The following GTF2A2 variants were observed in gnomAD, a reference collection of about 807,000 sequenced individuals.
GTF2A2 encodes the protein general transcription factor IIA subunit 2.
Under a neutral mutation model 14.3 loss-of-function variants are expected in GTF2A2, and 9 were observed. That is an observed-to-expected ratio of 0.63 (90% CI 0.38 to 1.10). The LOEUF is 1.10. Ranked by LOEUF, GTF2A2 falls within the 50% of genes least tolerant of loss-of-function variation. The pLI is 0.01. For missense variants in GTF2A2, 90 were observed against 124.6 expected (o/e 0.72, Z 1.32); for synonymous variants, 56 against 46.0 (o/e 1.22, Z -0.88).
At chr15:59,650,571 T>C (rs1384983358) in intron 3 of GTF2A2, 98 bp downstream of exon 3, 3 of 650,300 alleles carry the variant, frequency 4.6e-6, no homozygotes, top group Non-Finnish European at 8.1e-6. Flanking sequence ...AAGCCACCTC[T>C]TCCTCTTATG....
At chr15:59,655,994 C>T (rs771694899) in intron 1 of GTF2A2, among the ~76,000 whole-genome samples, 1 of 152,256 alleles carries the variant, frequency 6.6e-6, no homozygotes, top group South Asian at 2.1e-4. Flanking sequence ...AAATGATTTC[C>T]CTGCTTCTAC....
At chr15:59,644,537 G>A (rs1472078356) in intron 3 of GTF2A2, among the ~76,000 whole-genome samples, 1 of 152,200 alleles carries the variant, frequency 6.6e-6, no homozygotes, top group Non-Finnish European at 1.5e-5. Flanking sequence ...CCTGCCACTG[G>A]TGAGCTGAGT....
At chr15:59,648,512 A>G (rs924436654) in intron 3 of GTF2A2, among the ~76,000 whole-genome samples, 1 of 151,754 alleles carries the variant, frequency 6.6e-6, no homozygotes, top group Non-Finnish European at 1.5e-5. Flanking sequence ...TCCATGGTAC[A>G]TATGAGTTTT....
rs180871861 is a variant in GTF2A2 at position 59,654,394 on chromosome 15, C to T, written c.-49-2068G>A. Among the ~76,000 whole-genome samples, 361 of 152,306 alleles carry T rather than the reference C, an allele frequency of 2.4e-3. 9 individuals are homozygous for T. The highest frequency in any genetic ancestry group is 0.021 in the Admixed American group (322 of 15,298). On this transcript the variant is annotated intron_variant, in intron 1 of 4. Transcript: ENST00000396060. Reference sequence around the variant, plus strand: ...TCCAAATACCTGCATAGTTCACTCTCTCATTTGATTCAGATCTCTGGGTCA... The same window carrying T: ...TCCAAATACCTGCATAGTTCACTCTTTCATTTGATTCAGATCTCTGGGTCA...
Position 59,639,103 on chromosome 15 carries a change from A to G in GTF2A2, c.*29T>C. The G allele has an allele frequency of 7.9e-7, 1 of 1,267,750 alleles. No individual in the cohort carries two copies. Among genetic ancestry groups the G allele is most frequent in the South Asian group, 1.2e-5 (1 of 83,720 alleles). 78.5% of individuals were successfully genotyped at this position (1,267,750 alleles called of 1,614,324 possible). On this transcript the variant is annotated 3_prime_UTR_variant, in exon 5 of 5. Transcript: ENST00000396060. ...CTTCAAAAGCAATGAATAACAGAAG[A>G]TGGTGTAAAAAAGTCATATTTTTTC... is the stretch of plus-strand genomic sequence containing the variant.
intron 1 of GTF2A2, among the ~76,000 whole-genome samples, chr15:59,656,264 T>C (rs1479819114): frequency 6.6e-6 from 1 of 152,222 alleles, no homozygotes; most frequent in Non-Finnish European, 1.5e-5. Flanking sequence ...CTTTCCTATC[T>C]GCCTGAATGC....
chr15:59,654,356 T>A (rs1460977876), intron 1 of GTF2A2, among the ~76,000 whole-genome samples: 1 of 152,200 alleles, frequency 6.6e-6, no homozygotes, highest in Non-Finnish European at 1.5e-5. Flanking sequence ...TTCTTTTTGC[T>A]GACAGTATTC....
intron 1 of GTF2A2, among the ~76,000 whole-genome samples, chr15:59,655,797 G>C (rs1008985137): frequency 6.6e-6 from 1 of 152,008 alleles, no homozygotes; most frequent in Non-Finnish European, 1.5e-5. Flanking sequence ...ATACTTCTAC[G>C]AGCTTGGGCA....
intron 3 of GTF2A2, among the ~76,000 whole-genome samples, chr15:59,650,001 C>A (rs371051333): frequency 1.1e-4 from 16 of 152,164 alleles, no homozygotes; most frequent in African/African-American, 3.9e-4. Context: ...AAATAATAAG[C>A]AAACATCATC....
chr15:59,650,519 A>G, intron 3 of GTF2A2, 150 bp downstream of exon 3: 1 of 509,580 alleles, frequency 2.0e-6, no homozygotes, highest in South Asian at 3.2e-5. Context: ...TTGATTGAAA[A>G]GTATAATTTA....
intron 3 of GTF2A2, among the ~76,000 whole-genome samples, chr15:59,648,965 C>G (rs1209705349): frequency 6.6e-6 from 1 of 151,850 alleles, no homozygotes; most frequent in Non-Finnish European, 1.5e-5. Flanking sequence ...ACAAAAAAAA[C>G]TATAAAACAA....
At chr15:59,652,423 T>G in intron 1 of GTF2A2, 97 bp from the exon 2 acceptor site, 1 of 574,654 alleles carries the variant, frequency 1.7e-6, no homozygotes, top group Non-Finnish European at 3.1e-6. Context: ...AATATAGAAC[T>G]AGGAGAACGC....
intron 3 of GTF2A2, among the ~76,000 whole-genome samples, chr15:59,644,911 G>T (rs1424119928): frequency 6.6e-6 from 1 of 152,164 alleles, no homozygotes; most frequent in Non-Finnish European, 1.5e-5. Context: ...TTGCATTTTT[G>T]GTGATGACAT....
chr15:59,652,086 A>C (rs946025321), intron 2 of GTF2A2, 120 bp downstream of exon 2: 4 of 645,794 alleles, frequency 6.2e-6, no homozygotes, highest in African/African-American at 3.7e-5. Flanking sequence ...AGTGTTACTG[A>C]CTTGCTGGGT....
chr15:59,646,377 G>C (rs1450623790), intron 3 of GTF2A2, among the ~76,000 whole-genome samples: 2 of 152,104 alleles, frequency 1.3e-5, no homozygotes, highest in South Asian at 4.1e-4. Flanking sequence ...TTTAAAAAAT[G>C]TGTAGTCTTT....
At chr15:59,649,215 G>C (rs1157262818) in intron 3 of GTF2A2, among the ~76,000 whole-genome samples, 2 of 152,100 alleles carry the variant, frequency 1.3e-5, no homozygotes, top group Non-Finnish European at 2.9e-5. Flanking sequence ...CCAGGAGTAG[G>C]GTGATAAAAA....
intron 2 of GTF2A2, 111 bp from the exon 3 acceptor site, chr15:59,650,884 T>C: frequency 1.6e-6 from 1 of 620,152 alleles, no homozygotes. Context: ...CCAAAGCCTC[T>C]AAACTAGAAT....
Position 59,638,896 on chromosome 15 carries a change from G to C in GTF2A2, c.*236C>G, listed in dbSNP as rs1891278150. 5 of 426,268 alleles carry C rather than the reference G, an allele frequency of 1.2e-5. No homozygotes were observed. Among genetic ancestry groups the C allele is most frequent in the South Asian group, 9.9e-5 (3 of 30,280 alleles). 26.4% of individuals were successfully genotyped at this position (426,268 alleles called of 1,614,324 possible). A position where few individuals can be genotyped will look rare whatever the true frequency, so the allele number is the denominator to read the frequency against. On this transcript the variant is annotated 3_prime_UTR_variant, in exon 5 of 5. Coordinates refer to ENST00000396060, the MANE Select transcript of GTF2A2 (RefSeq NM_004492.3). ...GTTTTAAAATGAGTTTATTAAAGAA[G>C]GTTCTTAGGAAGGCAACAACTTTTG...
In GTF2A2 at chr15:59,654,794, A is replaced by T. The variant is rs560102783; in HGVS notation, c.-49-2468T>A. 2.0e-5 allele frequency among the ~76,000 whole-genome samples: 3 copies of T among 152,322 alleles called. No individual in the cohort carries two copies. In the East Asian group the frequency reaches 5.8e-4, roughly 29 times the overall value. On this transcript the variant is annotated intron_variant, in intron 1 of 4. Coordinates refer to ENST00000396060, the MANE Select transcript of GTF2A2 (RefSeq NM_004492.3). ...TCCAGCTACCTACCAATAGCTATACAGGTTGAACATTCCTTATCTGAAATG... is the reference window on the plus strand; with the variant it reads ...TCCAGCTACCTACCAATAGCTATACTGGTTGAACATTCCTTATCTGAAATG...
Sources: allele counts gnomAD v4.1 joint callset (sites outside exome capture counted in the v4.1 genomes callset), GRCh38; gene constraint gnomAD v4.1.1; transcripts MANE v1.5; gene names NCBI Gene and HGNC (gene_info 2026-07-23, HGNC 2026-07-21).